INTS9: variants seen among roughly 807,000 people sequenced by gnomAD.
INTS9 encodes integrator complex subunit 9.
Under a neutral mutation model 79.7 loss-of-function variants are expected in INTS9, and 55 were observed. The ratio of observed to expected loss-of-function variants is 0.69; its 90% CI spans 0.56 to 0.86. The LOEUF is 0.86. INTS9 is among the 40% of genes least tolerant of loss of function. The probability of loss-of-function intolerance (pLI) is 0.00; values close to 1 mark genes in which losing one functional copy is unlikely to be tolerated. For missense variants in INTS9, 721 were observed against 831.5 expected (o/e 0.87, Z 1.64); for synonymous variants, 319 against 325.2 (o/e 0.98, Z 0.20).
In INTS9 at chr8:28,850,036, A is replaced by G. The variant is rs1438656039; in HGVS notation, c.198+177T>C. On this transcript the variant is annotated intron_variant, in intron 3 of 16. Coordinates refer to ENST00000521022, the MANE Select transcript of INTS9 (RefSeq NM_018250.4). The stretch of plus-strand genomic sequence containing the variant: ...AATCAGAACAATGACATTCTCTAAA[A>G]ACATGCTTAAAAACAGCAGTTACCA... 2.4e-5 allele frequency: 12 copies of G among 493,160 alleles called. No individual in the cohort carries two copies. In the Admixed American group the frequency reaches 3.7e-4, roughly 15 times the overall value. 30.5% of individuals were successfully genotyped at this position (493,160 alleles called of 1,614,324 possible).
intron 14 of INTS9, among the ~76,000 whole-genome samples, chr8:28,775,483 G>A (rs775505177): frequency 2.6e-5 from 4 of 152,226 alleles, no homozygotes; most frequent in Admixed American, 6.5e-5. Context: ...TTACAGATGC[G>A]TGCCACCACA....
intron 11 of INTS9, among the ~76,000 whole-genome samples, chr8:28,782,002 G>A (rs1318676748): frequency 2.0e-5 from 3 of 152,228 alleles, no homozygotes; most frequent in African/African-American, 7.2e-5. Flanking sequence ...GGATGGTGCA[G>A]TGGGCAACTG....
At chr8:28,882,848 C>A (rs1051674106) in intron 1 of INTS9, among the ~76,000 whole-genome samples, 1 of 152,116 alleles carries the variant, frequency 6.6e-6, no homozygotes, top group Non-Finnish European at 1.5e-5. Flanking sequence ...GAGGCATTTC[C>A]TTCAAATTCA....
At chr8:28,778,246 G>A (rs2130880723) in intron 12 of INTS9, among the ~76,000 whole-genome samples, 1 of 152,282 alleles carries the variant, frequency 6.6e-6, no homozygotes, top group African/African-American at 2.4e-5. Flanking sequence ...AGAAACAAAC[G>A]ATGAAATAAA....
At position 28,834,968 on chromosome 8, in the gene INTS9, C is replaced by T. The variant is rs141124080; in HGVS notation, c.488+324G>A. On this transcript the variant is annotated intron_variant, in intron 6 of 16. Coordinates refer to ENST00000521022, the MANE Select transcript of INTS9 (RefSeq NM_018250.4). ...CTGGGATTACAGGCGTGAGTCACCGCGCCTAGCTGGCAAACACCTCTTCTA... is the reference window on the plus strand; with the variant it reads ...CTGGGATTACAGGCGTGAGTCACCGTGCCTAGCTGGCAAACACCTCTTCTA... 6.5e-3 allele frequency among the ~76,000 whole-genome samples: 985 copies of T among 152,288 alleles called. 10 individuals are homozygous for T. The highest frequency in any genetic ancestry group is 0.022 in the African/African-American group (910 of 41,566).
At position 28,850,273 on chromosome 8, in the gene INTS9, A is replaced by C; in HGVS notation, c.138T>G (p.Ser46Arg). The C allele has an allele frequency of 6.2e-7, 1 of 1,612,024 alleles. No individual in the cohort carries two copies. Among genetic ancestry groups the C allele is most frequent in the South Asian group, 1.1e-5 (1 of 90,958 alleles). The change falls in exon 3 of 17, where the codon AGT becomes AGG. Residue 46 changes from serine to arginine, a missense_variant and splice_region_variant. By Grantham distance (110) the Ser-to-Arg change is moderately radical. Transcript: ENST00000521022. Reference protein sequence around the residue: ...LNFLPLPLVQSPRLSNLPGWS... With the variant: ...LNFLPLPLVQRPRLSNLPGWS... Reference sequence around the variant, plus strand: ...AGCCAGGAAGATTGGACAGCCTGGGACTGCAAAACAAAAGATTAAGATTAA... The same window carrying C: ...AGCCAGGAAGATTGGACAGCCTGGGCCTGCAAAACAAAAGATTAAGATTAA...
chr8:28,869,912 T>A (rs975140872), intron 1 of INTS9, among the ~76,000 whole-genome samples: 3 of 151,988 alleles, frequency 2.0e-5, no homozygotes, highest in African/African-American at 7.3e-5. Context: ...CATCCTGTCC[T>A]CTACTTGGCT....
intron 1 of INTS9, among the ~76,000 whole-genome samples, chr8:28,865,437 A>C (rs1585500953): frequency 6.6e-6 from 1 of 151,210 alleles, no homozygotes; most frequent in Non-Finnish European, 1.5e-5. Context: ...ATGCCACTGC[A>C]CTCCAGCCTG....
chr8:28,848,230 G>T (rs923486544), intron 3 of INTS9, among the ~76,000 whole-genome samples: 1 of 152,172 alleles, frequency 6.6e-6, no homozygotes, highest in Non-Finnish European at 1.5e-5. Context: ...TTCCAGAAAG[G>T]GAAAGATACT....
At chr8:28,817,656 A>G (rs1255258509) in intron 6 of INTS9, among the ~76,000 whole-genome samples, 1 of 151,722 alleles carries the variant, frequency 6.6e-6, no homozygotes, top group African/African-American at 2.4e-5. Context: ...TTGGTTCCAT[A>G]TGAACTTTAA....
intron 6 of INTS9, among the ~76,000 whole-genome samples, chr8:28,824,559 A>C (rs912609281): frequency 1.3e-5 from 2 of 152,192 alleles, no homozygotes; most frequent in Non-Finnish European, 2.9e-5. Context: ...ACCCCAGTCT[A>C]GGCCAGGTGC....
chr8:28,836,776 T>G (rs1336232386), intron 5 of INTS9, among the ~76,000 whole-genome samples: 2 of 152,146 alleles, frequency 1.3e-5, no homozygotes, highest in Admixed American at 6.5e-5. Flanking sequence ...TGAGAGCCCT[T>G]CCTCAGCTCC....
intron 6 of INTS9, 148 bp from the exon 7 acceptor site, chr8:28,813,760 T>C: frequency 3.5e-6 from 3 of 860,354 alleles, no homozygotes; most frequent in Non-Finnish European, 5.3e-6. Context: ...CATTTCTCTG[T>C]TTTTATTTTT....
At chr8:28,789,163 C>T (rs189845857) in intron 10 of INTS9, among the ~76,000 whole-genome samples, 2 of 152,302 alleles carry the variant, frequency 1.3e-5, no homozygotes, top group Admixed American at 1.3e-4. Context: ...ATTTCTAGCT[C>T]AGGGAGACAA....
intron 6 of INTS9, among the ~76,000 whole-genome samples, chr8:28,816,959 GAA>G (rs1249297586): frequency 1.3e-5 from 2 of 149,738 alleles, no homozygotes; most frequent in African/African-American, 2.4e-5. Context: ...CTTCTTTTGA[GAA>G]GTGTCTGTTC....
chr8:28,828,481 T>C (rs546971323), intron 6 of INTS9, among the ~76,000 whole-genome samples: 94 of 152,340 alleles, frequency 6.2e-4, no homozygotes, highest in African/African-American at 2.0e-3. Context: ...AAGTTGTTAA[T>C]ATCACTTCTA....
chr8:28,865,033 T>A (rs1808662786), intron 1 of INTS9, among the ~76,000 whole-genome samples: 1 of 148,718 alleles, frequency 6.7e-6, no homozygotes, highest in Non-Finnish European at 1.5e-5. Context: ...GTTTTCATAG[T>A]AAAAAAATCT....
chr8:28,824,700 C>A (rs572421922), intron 6 of INTS9, among the ~76,000 whole-genome samples: 99 of 152,310 alleles, frequency 6.5e-4, no homozygotes, highest in African/African-American at 2.3e-3. Context: ...ACCTCCACAT[C>A]CCCATAACTC....
chr8:28,777,232 C>T (rs1460087578), intron 13 of INTS9, among the ~76,000 whole-genome samples: 6 of 152,100 alleles, frequency 3.9e-5, no homozygotes, highest in Non-Finnish European at 7.4e-5. Context: ...GTCAGCTGTC[C>T]TCCTTGCCAA....
Sources: gnomAD v4.1 joint callset for allele counts (sites outside exome capture counted in the v4.1 genomes callset) on GRCh38, gnomAD v4.1.1 for gene constraint, MANE v1.5 for transcripts, NCBI Gene and HGNC (gene_info 2026-07-23, HGNC 2026-07-21) for gene names.